The following TAF1B variants were observed in gnomAD, a reference collection of about 807,000 sequenced individuals.
TAF1B encodes the protein TATA-box binding protein associated factor, RNA polymerase I subunit B, also known as TATA box-binding protein-associated factor RNA polymerase I subunit B.
TAF1B carries 61 observed loss-of-function variants against 83.9 expected under a neutral mutation model. The observed-to-expected ratio is 0.73, with a 90% CI of 0.59 to 0.90. The LOEUF (loss-of-function observed/expected upper bound fraction) is 0.90, where lower values mean the gene tolerates loss of function less well. Ranked by LOEUF, TAF1B falls within the 40% of genes least tolerant of loss-of-function variation. The pLI is 0.00. For synonymous variants in TAF1B, 221 were observed against 224.6 expected (o/e 0.98, Z 0.14); for missense variants, 625 against 677.0 (o/e 0.92, Z 0.85).
chr2:9,870,432 C>T (rs542183725), intron 6 of TAF1B, among the ~76,000 whole-genome samples: 23 of 152,194 alleles, frequency 1.5e-4, no homozygotes, highest in South Asian at 4.1e-4. Context: ...GGCTGTAGTG[C>T]GCTGTGATCA....
At chr2:9,849,210 A>G (rs1663302524) in intron 2 of TAF1B, among the ~76,000 whole-genome samples, 163 bp from the exon 3 acceptor site, 1 of 152,178 alleles carries the variant, frequency 6.6e-6, no homozygotes, top group Non-Finnish European at 1.5e-5. Context: ...AACAACATCA[A>G]CATTAACTAG....
chr2:9,883,219 CTTATG>C (rs1275492707), intron 8 of TAF1B, among the ~76,000 whole-genome samples: 1 of 152,152 alleles, frequency 6.6e-6, no homozygotes, highest in Non-Finnish European at 1.5e-5. Flanking sequence ...AAGTTCTTCA[CTTATG>C]TTAGTTTGTC....
At chr2:9,884,673 G>A (rs1201301174) in intron 8 of TAF1B, among the ~76,000 whole-genome samples, 1 of 152,268 alleles carries the variant, frequency 6.6e-6, no homozygotes, top group Admixed American at 6.5e-5. Context: ...AGGAGGCCCT[G>A]GAGTAGGTTA....
At chr2:9,854,230 T>C (rs1663487090) in intron 4 of TAF1B, 96 bp from the exon 5 acceptor site, 2 of 822,130 alleles carry the variant, frequency 2.4e-6, no homozygotes, top group Non-Finnish European at 4.0e-6. Flanking sequence ...ATATGTAAGT[T>C]AATATTTAAA....
chr2:9,864,767 A>G (rs1663909173), intron 5 of TAF1B, among the ~76,000 whole-genome samples: 1 of 152,292 alleles, frequency 6.6e-6, no homozygotes, highest in South Asian at 2.1e-4. Flanking sequence ...CATCCCTGGG[A>G]TGCAAGGCTG....
At chr2:9,876,201 T>G (rs1159972322) in intron 7 of TAF1B, among the ~76,000 whole-genome samples, 183 bp downstream of exon 7, 1 of 152,248 alleles carries the variant, frequency 6.6e-6, no homozygotes, top group African/African-American at 2.4e-5. Flanking sequence ...ATCTTCTTGA[T>G]TTTCTTATTT....
intron 9 of TAF1B, 89 bp from the exon 10 acceptor site, chr2:9,910,645 CGT>C: frequency 1.8e-6 from 2 of 1,119,788 alleles, no homozygotes; most frequent in Non-Finnish European, 2.5e-6. Context: ...TGCATAGTGT[CGT>C]GTTTTAAGAT....
chr2:9,889,765 G>A (rs1243508099), intron 8 of TAF1B, among the ~76,000 whole-genome samples: 1 of 152,102 alleles, frequency 6.6e-6, no homozygotes, highest in Non-Finnish European at 1.5e-5. Context: ...TTTGTTGTGT[G>A]TGGTTTGTTA....
At chr2:9,893,593 TG>T (rs1014540020) in intron 8 of TAF1B, among the ~76,000 whole-genome samples, 102 of 151,862 alleles carry the variant, frequency 6.7e-4, no homozygotes, top group African/African-American at 2.5e-3. Flanking sequence ...GAGGCTGAAG[TG>T]GGAAGATTGC....
chr2:9,862,656 G>T (rs1663813466), intron 5 of TAF1B, among the ~76,000 whole-genome samples: 1 of 152,184 alleles, frequency 6.6e-6, no homozygotes, highest in Admixed American at 6.5e-5. Flanking sequence ...ATTCACCAAA[G>T]TTGAAATGAA....
At chr2:9,894,895 T>C (rs1252405007) in intron 8 of TAF1B, among the ~76,000 whole-genome samples, 2 of 152,318 alleles carry the variant, frequency 1.3e-5, no homozygotes, top group East Asian at 1.9e-4. Context: ...ACCACAGATA[T>C]GTGAAATTGG....
intron 5 of TAF1B, among the ~76,000 whole-genome samples, chr2:9,861,230 A>G (rs1663743675): frequency 6.6e-6 from 1 of 152,252 alleles, no homozygotes; most frequent in South Asian, 2.1e-4. Context: ...GCACCTGGAA[A>G]ATCAGGTCGC....
Position 9,917,843 on chromosome 2 carries a change from C to A in TAF1B, c.1272-1198C>A, listed in dbSNP as rs373386410. Among the ~76,000 whole-genome samples, 1,005 of 151,872 alleles carry A rather than the reference C, an allele frequency of 6.6e-3. 17 individuals carry two copies. The highest frequency in any genetic ancestry group is 0.022 in the African/African-American group (925 of 41,364). ...ATCCCAGCACTTTGGGAGGCCGAGG[C>A]GGGCGGATCACGAGGTCAGGAGATT... is the stretch of plus-strand genomic sequence containing the variant. On this transcript the variant is annotated intron_variant, in intron 12 of 14. Coordinates refer to ENST00000263663, the MANE Select transcript of TAF1B (RefSeq NM_005680.3).
intron 14 of TAF1B, among the ~76,000 whole-genome samples, chr2:9,926,356 A>G (rs1318443544): frequency 6.6e-6 from 1 of 152,134 alleles, no homozygotes; most frequent in Non-Finnish European, 1.5e-5. Flanking sequence ...TAAGTGTTTC[A>G]GTTCTTAAGG....
intron 6 of TAF1B, among the ~76,000 whole-genome samples, chr2:9,874,158 T>G (rs1478533850): frequency 1.3e-5 from 2 of 152,152 alleles, no homozygotes; most frequent in African/African-American, 4.8e-5. Context: ...CTCACAATCT[T>G]GGTAGATTTA....
intron 5 of TAF1B, among the ~76,000 whole-genome samples, chr2:9,865,311 G>A (rs1392665204): frequency 6.6e-6 from 1 of 152,082 alleles, no homozygotes; most frequent in South Asian, 2.1e-4. Flanking sequence ...CAAACAGAGA[G>A]CCAAATCATG....
chr2:9,896,642 A>AAAAAAAAAAAAAAAAT (rs66506343), intron 8 of TAF1B, among the ~76,000 whole-genome samples: 1 of 130,176 alleles, frequency 7.7e-6, no homozygotes, highest in Non-Finnish European at 1.6e-5. Context: ...AAAAAAAAAA[A>AAAAAAAAAAAAAAAAT]GCTTTAAAAA....
chr2:9,870,106 T>TAATA (rs150012272), intron 6 of TAF1B, among the ~76,000 whole-genome samples: 36,545 of 151,810 alleles, frequency 0.24, 4,940 homozygotes, highest in East Asian at 0.3. Context: ...TAAAGTATAA[T>TAATA]AATAAATAAA....
chr2:9,860,442 A>G (rs144434960), intron 5 of TAF1B, among the ~76,000 whole-genome samples: 213 of 152,326 alleles, frequency 1.4e-3, no homozygotes, highest in African/African-American at 4.7e-3. Context: ...CATGCCAGTG[A>G]TTGTAAGATA....
Sources: gnomAD v4.1 joint callset for allele counts (sites outside exome capture counted in the v4.1 genomes callset) on GRCh38, gnomAD v4.1.1 for gene constraint, MANE v1.5 for transcripts, NCBI Gene and HGNC (gene_info 2026-07-23, HGNC 2026-07-21) for gene names.